Variants in KALRN observed in about 807,000 individuals in gnomAD.
KALRN encodes the protein kalirin.
A neutral mutation model predicts 353.7 loss-of-function variants in KALRN; 70 were observed. That is an observed-to-expected ratio of 0.20 (90% CI 0.16 to 0.24). The LOEUF (loss-of-function observed/expected upper bound fraction) is 0.24. Among genes scored for constraint, KALRN ranks in the 10% least tolerant of loss-of-function variants. The pLI, the probability that KALRN is intolerant of heterozygous loss-of-function variation, is 1.00. For missense variants in KALRN, 2,791 were observed against 3,756.7 expected (o/e 0.74, Z 6.72); for synonymous variants, 1,391 against 1,434.8 (o/e 0.97, Z 0.69).
intron 10 of KALRN, among the ~76,000 whole-genome samples, chr3:124,379,684 T>C (rs1179006960): frequency 6.6e-6 from 1 of 152,214 alleles, no homozygotes; most frequent in Non-Finnish European, 1.5e-5. Flanking sequence ...AGGTGCTATT[T>C]CTAACTGTAT....
chr3:124,193,938 T>G (rs1040425331), intron 1 of KALRN, among the ~76,000 whole-genome samples: 1 of 152,182 alleles, frequency 6.6e-6, no homozygotes, highest in Non-Finnish European at 1.5e-5. Context: ...ACTAAAAAGG[T>G]AGAATTAGGG....
chr3:124,486,682 C>T (rs935884649), intron 28 of KALRN, among the ~76,000 whole-genome samples: 2 of 152,164 alleles, frequency 1.3e-5, no homozygotes, highest in African/African-American at 4.8e-5. Context: ...AGAGGTGACA[C>T]AGGAAAGGGC....
At chr3:124,384,076 A>C (rs1459934207) in intron 10 of KALRN, among the ~76,000 whole-genome samples, 1 of 152,154 alleles carries the variant, frequency 6.6e-6, no homozygotes, top group East Asian at 1.9e-4. Context: ...AACTATTCTA[A>C]AGGCAGTGGC....
chr3:124,327,486 C>G (rs1051172697), intron 7 of KALRN, among the ~76,000 whole-genome samples: 1 of 152,150 alleles, frequency 6.6e-6, no homozygotes, highest in South Asian at 2.1e-4. Flanking sequence ...ATATACAATA[C>G]AGAGTATTGT....
intron 33 of KALRN, among the ~76,000 whole-genome samples, chr3:124,532,743 G>A (rs2068147935): frequency 1.3e-5 from 2 of 152,150 alleles, no homozygotes; most frequent in African/African-American, 4.8e-5. Context: ...GGAGGTTGCA[G>A]TAAGCTGAGA....
intron 34 of KALRN, among the ~76,000 whole-genome samples, chr3:124,607,612 T>A (rs1420365772): frequency 6.6e-6 from 1 of 152,224 alleles, no homozygotes; most frequent in Non-Finnish European, 1.5e-5. Context: ...CACCCTATAA[T>A]CCTAGAGACC....
At position 124,454,161 on chromosome 3, in the gene KALRN, G is replaced by A. The variant is rs2059069696; in HGVS notation, c.3553-1016G>A. On this transcript the variant is annotated intron_variant, in intron 21 of 59. Coordinates refer to ENST00000682506, the MANE Select transcript of KALRN (RefSeq NM_001388419.1). ...AATGGAAACTAAAGACAAGATTCTG[G>A]TGGTGACAGGGACAGAGTTAACTCT... Among the ~76,000 whole-genome samples the A allele has an allele frequency of 2.0e-5, 3 of 152,194 alleles. No individual in the cohort carries two copies. In the South Asian group the frequency reaches 6.2e-4, roughly 32 times the overall value.
At chr3:124,531,597 C>T (rs2068048167) in intron 33 of KALRN, among the ~76,000 whole-genome samples, 1 of 152,112 alleles carries the variant, frequency 6.6e-6, no homozygotes. Flanking sequence ...TCTAGGGAGG[C>T]CTCAGGAAAC....
Position 124,384,974 on chromosome 3 carries a change from A to C in KALRN, c.1900A>C (p.Arg634=), listed in dbSNP as rs199531364. ...GGTGCGCATCCAAGACTTCGTGCGC[A>C]GGGTGGAGCAGCGGAAGCTTCTCCT... is the stretch of plus-strand genomic sequence containing the variant. The part of the protein sequence containing the change: ...LEVRIQDFVR[R]VEQRKLLLDM... Residue 634 remains arginine, a synonymous_variant, in exon 11 of 60, where the codon AGG becomes CGG. Transcript: ENST00000682506. 2,255 of 1,613,890 alleles carry C rather than the reference A, an allele frequency of 1.4e-3. 35 individuals carry two copies. Among genetic ancestry groups the C allele is most frequent in the Non-Finnish European group, 2.9e-4 (346 of 1,179,876 alleles).
rs192724433 is a variant in KALRN, at chr3:124,065,442, C to T, written c.73+31629C>T. On this transcript the variant is annotated intron_variant, in intron 1 of 59. Transcript: ENST00000682506. ...GGTAATGGTATTGTAGCTGAGTGCCCTCATATTTAAGAGATTCATATTGTA... is the reference window on the plus strand; with the variant it reads ...GGTAATGGTATTGTAGCTGAGTGCCTTCATATTTAAGAGATTCATATTGTA... Among the ~76,000 whole-genome samples the T allele has an allele frequency of 2.7e-4, 41 of 152,086 alleles. No homozygotes were observed. The East Asian group carries it at 7.3e-3, about 27-fold the overall frequency.
chr3:124,327,952 T>C (rs1258103039), intron 7 of KALRN, among the ~76,000 whole-genome samples: 1 of 152,236 alleles, frequency 6.6e-6, no homozygotes, highest in Non-Finnish European at 1.5e-5. Flanking sequence ...TCTTCCGTAA[T>C]GTGGAGCTAA....
At chr3:124,073,314 A>G (rs974733595) in intron 1 of KALRN, among the ~76,000 whole-genome samples, 3 of 152,346 alleles carry the variant, frequency 2.0e-5, no homozygotes, top group African/African-American at 7.2e-5. Context: ...TGGAAGCAGT[A>G]AATGGCCCAC....
chr3:124,100,288 T>C (rs1175634198), intron 1 of KALRN: 3 of 152,218 alleles, frequency 2.0e-5, no homozygotes, highest in Non-Finnish European at 4.4e-5. Flanking sequence ...CAGTCCCATG[T>C]TGGATTAACA....
At chr3:124,159,567 T>C in intron 1 of KALRN, among the ~76,000 whole-genome samples, 1 of 120,816 alleles carries the variant, frequency 8.3e-6, no homozygotes, top group East Asian at 2.4e-4. Context: ...CCACTGCACC[T>C]GGCTGGCTTT....
At position 124,422,841 on chromosome 3, in the gene KALRN, G is replaced by C. The variant is rs776030651; in HGVS notation, c.2572G>C (p.Asp858His). The C allele has an allele frequency of 6.2e-7, 1 of 1,613,712 alleles. No homozygotes were observed. The highest frequency in any genetic ancestry group is 2.2e-5 in the East Asian group (1 of 44,884). The change falls in exon 15 of 60, where the codon GAT becomes CAT. Residue 858 changes from aspartate to histidine, a missense_variant. Transcript: ENST00000682506. ...TGAGTTGATCTGTGAAAAAGACATT[G>C]ATCTGGCAGCCCAGGTGCAAGAGTT... ...GIELICEKDI[D>H]LAAQVQELLE... is the part of the protein sequence containing the mutation.
At chr3:124,655,559 A>C in intron 38 of KALRN, 42 bp from the exon 39 acceptor site, 1 of 1,556,412 alleles carries the variant, frequency 6.4e-7, no homozygotes, top group South Asian at 1.1e-5. Flanking sequence ...TTTTGGCTTA[A>C]CAATGAAGAG....
At chr3:124,137,598 T>G (rs990654514) in intron 1 of KALRN, among the ~76,000 whole-genome samples, 3 of 152,168 alleles carry the variant, frequency 2.0e-5, no homozygotes, top group African/African-American at 7.2e-5. Flanking sequence ...AACTTGAGGA[T>G]GCAAGCCTCC....
At chr3:124,604,373 G>T (rs891652002) in intron 34 of KALRN, among the ~76,000 whole-genome samples, 7 of 152,138 alleles carry the variant, frequency 4.6e-5, no homozygotes, top group African/African-American at 1.7e-4. Context: ...AGCCTGAAAA[G>T]AGCCACTCTT....
rs574184570 is a variant in KALRN at position 124,372,357 on chromosome 3, T to C, written c.1771-12488T>C. Reference sequence around the variant, plus strand: ...GAGACATAATCATTATTAATATTTATTGATAAATTTCCATTTAGCACAGCA... The same window carrying C: ...GAGACATAATCATTATTAATATTTACTGATAAATTTCCATTTAGCACAGCA... On this transcript the variant is annotated intron_variant, in intron 10 of 59. Transcript: ENST00000682506. Among the ~76,000 whole-genome samples the C allele has an allele frequency of 9.9e-5, 15 of 152,260 alleles. No homozygotes were observed. In the South Asian group the frequency reaches 3.1e-3, roughly 32 times the overall value.
Sources: gnomAD v4.1 joint callset for allele counts (sites outside exome capture counted in the v4.1 genomes callset) on GRCh38, gnomAD v4.1.1 for gene constraint, MANE v1.5 for transcripts, NCBI Gene and HGNC (gene_info 2026-07-23, HGNC 2026-07-21) for gene names.